WDFY1: variants seen among roughly 807,000 people sequenced by gnomAD.
WDFY1 encodes WD repeat and FYVE domain containing 1, also known as WD repeat and FYVE domain-containing protein 1.
In WDFY1, 32 loss-of-function variants were observed where a neutral mutation model predicts 56.4. The observed-to-expected ratio is 0.57, with a 90% CI of 0.43 to 0.76. The LOEUF is 0.76. Among genes scored for constraint, WDFY1 ranks in the 30% least tolerant of loss-of-function variants. WDFY1 has a pLI of 0.00. For synonymous variants in WDFY1, 192 were observed against 197.3 expected (o/e 0.97, Z 0.23); for missense variants, 480 against 545.7 (o/e 0.88, Z 1.20).
At chr2:223,941,397 C>T (rs750631270) in intron 1 of WDFY1, among the ~76,000 whole-genome samples, 24 of 152,266 alleles carry the variant, frequency 1.6e-4, no homozygotes, top group East Asian at 1.9e-4. Flanking sequence ...TTCTTTCCCT[C>T]TTACAATTCC....
At chr2:223,923,552 G>C (rs1225440092) in intron 1 of WDFY1, among the ~76,000 whole-genome samples, 1 of 152,122 alleles carries the variant, frequency 6.6e-6, no homozygotes, top group African/African-American at 2.4e-5. Flanking sequence ...ACAAGGTCAG[G>C]AGATCGAGAC....
At chr2:223,912,676 C>T (rs960780512) in intron 2 of WDFY1, among the ~76,000 whole-genome samples, 9 of 152,102 alleles carry the variant, frequency 5.9e-5, no homozygotes, top group African/African-American at 2.2e-4. Flanking sequence ...GTCATCCCGC[C>T]CCTGCCACCC....
intron 1 of WDFY1, among the ~76,000 whole-genome samples, chr2:223,932,822 C>A (rs1455383965): frequency 6.7e-6 from 1 of 150,012 alleles, no homozygotes; most frequent in Non-Finnish European, 1.5e-5. Flanking sequence ...TCACCTATAG[C>A]AAAGGATATT....
rs184107718 is a variant in WDFY1 at position 223,892,202 on chromosome 2, C to T, written c.831+2032G>A. Among the ~76,000 whole-genome samples, 215 of 152,274 alleles carry T rather than the reference C, an allele frequency of 1.4e-3. 2 individuals carry two copies. The highest frequency in any genetic ancestry group is 6.8e-3 in the Middle Eastern group (2 of 294). ...TGTTGGCCAGGCTGGACTCCAACTC[C>T]TGACCTCAGGTGATCCACCCACCTC... On this transcript the variant is annotated intron_variant, in intron 8 of 11. Transcript: ENST00000233055.
chr2:223,945,172 C>T lies in WDFY1; in HGVS notation c.113G>A (p.Gly38Asp). 4 of 1,597,300 alleles carry T rather than the reference C, an allele frequency of 2.5e-6. No individual in the cohort carries two copies. Among genetic ancestry groups the T allele is most frequent in the Non-Finnish European group, 3.4e-6 (4 of 1,175,300 alleles). ...TAALLIPKED[G>D]VITASEDRTI... ...CCTGTCCTCGCTGGCCGTGATCACGCCGTCCTCCTTGGGGATGAGCAGCGC... is the reference window on the plus strand; with the variant it reads ...CCTGTCCTCGCTGGCCGTGATCACGTCGTCCTCCTTGGGGATGAGCAGCGC... The change falls in exon 1 of 12, where the codon GGC (glycine) becomes GAC (aspartate). Residue 38 changes from glycine (G) to aspartate (D), a missense_variant. Physicochemically the swap from Gly to Asp is moderately conservative, Grantham distance 94. Coordinates refer to ENST00000233055, the MANE Select transcript of WDFY1 (RefSeq NM_020830.5).
In WDFY1 at chr2:223,911,566, C is replaced by CCACA. The variant is rs58131865; in HGVS notation, c.279+683_279+686dup. 5.3e-3 allele frequency among the ~76,000 whole-genome samples: 719 copies of CCACA among 136,096 alleles called. 2 individuals carry two copies. Among genetic ancestry groups the CCACA allele is most frequent in the African/African-American group, 8.3e-3 (300 of 36,254 alleles). The allele number at this position is 136,096 out of a possible 152,430, so 89.3% of individuals were successfully genotyped here. A position where few individuals can be genotyped will look rare whatever the true frequency, so the allele number is the denominator to read the frequency against. ...GTTCTGTGAGTTGCTAGCTGAATGACCACACACACACACACACACACACAC... is the reference window on the plus strand; with the variant it reads ...GTTCTGTGAGTTGCTAGCTGAATGACCACACACACACACACACACACACACACAC... On this transcript the variant is annotated intron_variant, in intron 3 of 11. Coordinates refer to ENST00000233055, the MANE Select transcript of WDFY1 (RefSeq NM_020830.5).
At chr2:223,907,347 G>T (rs1356791225) in intron 3 of WDFY1, among the ~76,000 whole-genome samples, 3 of 152,078 alleles carry the variant, frequency 2.0e-5, no homozygotes, top group African/African-American at 7.2e-5. Flanking sequence ...AGAGTGAGGG[G>T]GGAAAAAAGC....
At chr2:223,899,137 A>T (rs1693457453) in intron 5 of WDFY1, 67 bp from the exon 6 acceptor site, 4 of 1,287,112 alleles carry the variant, frequency 3.1e-6, no homozygotes, top group Non-Finnish European at 3.4e-6. Context: ...GAGAGATACC[A>T]GCATTAGTCA....
chr2:223,914,409 T>G (rs533565453), intron 2 of WDFY1, among the ~76,000 whole-genome samples: 3 of 151,620 alleles, frequency 2.0e-5, no homozygotes, highest in African/African-American at 7.3e-5. Flanking sequence ...TAATAAATAG[T>G]TTTTTTTTCC....
rs997617969 is a variant in WDFY1 at position 223,875,760 on chromosome 2, T to C, written c.*2911A>G. 1.3e-5 allele frequency: 2 copies of C among 152,178 alleles called. No homozygotes were observed. Among genetic ancestry groups the C allele is most frequent in the Non-Finnish European group, 2.9e-5 (2 of 68,012 alleles). 9.4% of individuals were successfully genotyped at this position (152,178 alleles called of 1,614,324 possible). Reference sequence around the variant, plus strand: ...CCTTACACTTACGATGAGCAGATGGTTTATCACTATATAGTAACAGATTTT... The same window carrying C: ...CCTTACACTTACGATGAGCAGATGGCTTATCACTATATAGTAACAGATTTT... On this transcript the variant is annotated 3_prime_UTR_variant, in exon 12 of 12. Coordinates refer to ENST00000233055, the MANE Select transcript of WDFY1 (RefSeq NM_020830.5).
chr2:223,891,878 T>A (rs116057724), intron 8 of WDFY1, among the ~76,000 whole-genome samples: 142 of 152,352 alleles, frequency 9.3e-4, no homozygotes, highest in Non-Finnish European at 1.8e-3. Flanking sequence ...AACAGTTTAC[T>A]AGCTTTTCTT....
chr2:223,904,077 A>G (rs952559099), intron 4 of WDFY1, among the ~76,000 whole-genome samples: 2 of 152,200 alleles, frequency 1.3e-5, no homozygotes, highest in African/African-American at 2.4e-5. Flanking sequence ...AAACCTGCAC[A>G]TGATGGCTGA....
At chr2:223,935,565 A>C (rs1694155255) in intron 1 of WDFY1, among the ~76,000 whole-genome samples, 1 of 152,264 alleles carries the variant, frequency 6.6e-6, no homozygotes. Flanking sequence ...TTAGGAAAGA[A>C]CTAGCAGATT....
intron 4 of WDFY1, among the ~76,000 whole-genome samples, chr2:223,905,310 T>A (rs939411831): frequency 6.7e-6 from 1 of 150,278 alleles, no homozygotes; most frequent in African/African-American, 2.4e-5. Flanking sequence ...GAATTTGTCT[T>A]AAAAAAAAAA....
chr2:223,890,391 G>A (rs559520468), intron 8 of WDFY1, among the ~76,000 whole-genome samples: 1 of 152,268 alleles, frequency 6.6e-6, no homozygotes, highest in East Asian at 1.9e-4. Flanking sequence ...AGAATCGCTT[G>A]AGCCCAGGAG....
At position 223,877,125 on chromosome 2, in the gene WDFY1, A is replaced by T. The variant is rs1376047530; in HGVS notation, c.*1546T>A. ...ATCATTCCAGTACATGATGTGCGTG[A>T]CCCCCTTTCCTTTCCTTACGTGTGT... On this transcript the variant is annotated 3_prime_UTR_variant, in exon 12 of 12. Coordinates refer to ENST00000233055, the MANE Select transcript of WDFY1 (RefSeq NM_020830.5). 6.6e-6 allele frequency: 1 copy of T among 152,026 alleles called. No individual in the cohort carries two copies. Among genetic ancestry groups the T allele is most frequent in the Non-Finnish European group, 1.5e-5 (1 of 68,014 alleles). The allele number at this position is 152,026 out of a possible 1,614,324, so 9.4% of individuals were successfully genotyped here.
chr2:223,912,023 C>T (rs1693712506), intron 3 of WDFY1, among the ~76,000 whole-genome samples: 1 of 151,938 alleles, frequency 6.6e-6, no homozygotes, highest in Non-Finnish European at 1.5e-5. Context: ...CTATGTTACC[C>T]AGGCTGGTCT....
At chr2:223,906,983 A>T (rs897426489) in intron 3 of WDFY1, among the ~76,000 whole-genome samples, 3 of 149,320 alleles carry the variant, frequency 2.0e-5, no homozygotes, top group Middle Eastern at 7.0e-3. Flanking sequence ...TATTATTATT[A>T]TATTATTTTG....
intron 1 of WDFY1, among the ~76,000 whole-genome samples, chr2:223,942,405 A>G (rs192985212): frequency 0.015 from 2,274 of 150,356 alleles, 47 homozygotes; most frequent in African/African-American, 0.053. Context: ...TTTTTAGTAG[A>G]GACTGGGTTT....
Sources: allele counts gnomAD v4.1 joint callset (sites outside exome capture counted in the v4.1 genomes callset), GRCh38; gene constraint gnomAD v4.1.1; transcripts MANE v1.5; gene names NCBI Gene and HGNC (gene_info 2026-07-23, HGNC 2026-07-21).